IQSEC1: variants seen among roughly 807,000 people sequenced by gnomAD.
The protein encoded by IQSEC1 is IQ motif and SEC7 domain-containing protein 1.
IQSEC1 carries 31 observed loss-of-function variants against 91.0 expected under a neutral mutation model. The ratio of observed to expected loss-of-function variants is 0.34; its 90% CI spans 0.26 to 0.46. The LOEUF (loss-of-function observed/expected upper bound fraction) is 0.46, where lower values mean the gene tolerates loss of function less well. IQSEC1 is among the 20% of genes least tolerant of loss of function. The pLI, the probability that IQSEC1 is intolerant of heterozygous loss-of-function variation, is 1.00. For synonymous variants in IQSEC1, 699 were observed against 662.6 expected (o/e 1.05, Z -0.84); for missense variants, 1,388 against 1,575.6 (o/e 0.88, Z 2.02).
rs932230143 is a variant in IQSEC1 at position 13,015,243 on chromosome 3, G to A, written c.23+57749C>T. Among the ~76,000 whole-genome samples, 3 of 152,168 alleles carry A rather than the reference G, an allele frequency of 2.0e-5. No individual in the cohort carries two copies. The East Asian group carries it at 5.8e-4, about 29-fold the overall frequency. On this transcript the variant is annotated intron_variant, in intron 1 of 13. Transcript: ENST00000613206. The stretch of plus-strand genomic sequence containing the variant: ...CTCAGGGTGGTTGTGAGGGCCGTAG[G>A]CAGCGACCCAACACTCCCTGCCATC...
intron 6 of IQSEC1, 55 bp downstream of exon 6, chr3:12,920,375 C>A (rs890342706): frequency 1.3e-6 from 2 of 1,584,468 alleles, no homozygotes; most frequent in Admixed American, 1.7e-5. Context: ...GAGGGCCTGG[C>A]TGGGGCAGGT....
At chr3:12,952,511 T>G (rs946247795) in intron 1 of IQSEC1, among the ~76,000 whole-genome samples, 2 of 152,184 alleles carry the variant, frequency 1.3e-5, no homozygotes, top group African/African-American at 4.8e-5. Context: ...TAGCCTCACA[T>G]GCCACCCCAC....
intron 1 of IQSEC1, among the ~76,000 whole-genome samples, chr3:13,034,201 C>T (rs1703950335): frequency 6.6e-6 from 1 of 152,196 alleles, no homozygotes; most frequent in South Asian, 2.1e-4. Flanking sequence ...GCCCAGGCGT[C>T]TCCCCCCAGA....
chr3:13,238,036 CT>C (rs1694961349), intron 1 of IQSEC1, among the ~76,000 whole-genome samples: 1 of 152,226 alleles, frequency 6.6e-6, no homozygotes, highest in South Asian at 2.1e-4. Context: ...GCACTGACCG[CT>C]GAGCATCCAC....
At chr3:12,916,251 T>G (rs971401640) in intron 6 of IQSEC1, among the ~76,000 whole-genome samples, 4 of 152,192 alleles carry the variant, frequency 2.6e-5, no homozygotes, top group Non-Finnish European at 5.9e-5. Flanking sequence ...AGCACAGGCT[T>G]GTTGTGAGGA....
At chr3:12,915,481 A>T in intron 7 of IQSEC1, 113 bp downstream of exon 7, 1 of 1,191,498 alleles carries the variant, frequency 8.4e-7, no homozygotes, top group Non-Finnish European at 1.2e-6. Flanking sequence ...AGAATTCACC[A>T]GCCCTGCTGG....
At chr3:12,947,373 G>A (rs1386160531) in intron 1 of IQSEC1, among the ~76,000 whole-genome samples, 3 of 152,124 alleles carry the variant, frequency 2.0e-5, no homozygotes, top group Non-Finnish European at 4.4e-5. Flanking sequence ...CTCTATCCCA[G>A]GGCCATATGA....
At chr3:13,052,086 C>T (rs1704711333) in intron 1 of IQSEC1, among the ~76,000 whole-genome samples, 1 of 152,230 alleles carries the variant, frequency 6.6e-6, no homozygotes. Context: ...TCACCAGTTA[C>T]ACATGCCTGT....
At chr3:13,191,099 G>T (rs1018019173) in intron 1 of IQSEC1, among the ~76,000 whole-genome samples, 5 of 152,214 alleles carry the variant, frequency 3.3e-5, no homozygotes, top group African/African-American at 1.2e-4. Flanking sequence ...ACAGAAGAAT[G>T]CCTGTCACCC....
chr3:12,903,552 G>A (rs1490350659), intron 12 of IQSEC1, among the ~76,000 whole-genome samples: 3 of 152,208 alleles, frequency 2.0e-5, no homozygotes, highest in African/African-American at 7.2e-5. Context: ...TCTTCGTCAC[G>A]CCCCAGCGCA....
chr3:13,021,683 G>A (rs986964351), intron 1 of IQSEC1, among the ~76,000 whole-genome samples: 2 of 152,220 alleles, frequency 1.3e-5, no homozygotes, highest in Non-Finnish European at 2.9e-5. Flanking sequence ...GGACGCGTGT[G>A]AGCCCCATTT....
At chr3:13,111,874 G>A (rs528147233) in intron 2 of IQSEC1, among the ~76,000 whole-genome samples, 8 of 152,240 alleles carry the variant, frequency 5.3e-5, no homozygotes, top group South Asian at 4.2e-4. Flanking sequence ...ATATATTCCC[G>A]TAGTTTAAGC....
In IQSEC1 at chr3:13,107,477, A is replaced by G. The variant is rs115457011; in HGVS notation, c.302+56627T>C. On this transcript the variant is annotated intron_variant, in intron 2 of 15. Coordinates refer to the IQSEC1 transcript ENST00000648114. ...TTCTGGCAAGTGTCATCTCCATATT[A>G]CACATGGAGAAACAGGCTCAGAGCG... Among the ~76,000 whole-genome samples, 341 of 152,308 alleles carry G rather than the reference A, an allele frequency of 2.2e-3. 1 individual carries two copies. The highest frequency in any genetic ancestry group is 6.4e-3 in the African/African-American group (267 of 41,554).
At chr3:12,993,073 C>T (rs1051427066) in intron 1 of IQSEC1, among the ~76,000 whole-genome samples, 1 of 152,134 alleles carries the variant, frequency 6.6e-6, no homozygotes, top group African/African-American at 2.4e-5. Context: ...CAACAACAGC[C>T]CCCATTACAC....
At chr3:13,234,941 G>A (rs867352572) in intron 1 of IQSEC1, among the ~76,000 whole-genome samples, 10 of 152,218 alleles carry the variant, frequency 6.6e-5, no homozygotes, top group African/African-American at 1.2e-4. Flanking sequence ...AGTCAGCCAC[G>A]AGGTGTGGGT....
chr3:13,082,090 C>G (rs1705655169), intron 2 of IQSEC1, among the ~76,000 whole-genome samples: 1 of 152,138 alleles, frequency 6.6e-6, no homozygotes, highest in South Asian at 2.1e-4. Flanking sequence ...CCGAGTCGCG[C>G]AGGGCAGCAG....
rs1456181691 is a variant in IQSEC1 at position 12,920,446 on chromosome 3, G to A, written c.2004C>T (p.Phe668=). 1 of 1,614,140 alleles carries A rather than the reference G, an allele frequency of 6.2e-7. No individual in the cohort carries two copies. Among genetic ancestry groups the A allele is most frequent in the Admixed American group, 1.7e-5 (1 of 60,034 alleles). ...ACAGCTCACCTCGGAGGTTCTTGAT[G>A]AAGTCCTCTAGCTTCATTTTCCGCT... is the stretch of plus-strand genomic sequence containing the variant. ...KPERKMKLED[F]IKNLRGVDDG... Residue 668 remains phenylalanine (F), a synonymous_variant, in exon 6 of 14, where the codon TTC becomes TTT. Coordinates refer to ENST00000613206, the MANE Select transcript of IQSEC1 (RefSeq NM_001134382.3).
chr3:13,072,995 T>G lies in IQSEC1; in HGVS notation c.20A>C (p.Tyr7Ser), dbSNP rs1038192622. 2 of 1,551,462 alleles carry G rather than the reference T, an allele frequency of 1.3e-6. No homozygotes were observed. The highest frequency in any genetic ancestry group is 3.9e-5 in the Admixed American group (2 of 50,988). MACRRR[Y>S]FVEGEAPSSE... Reference sequence around the variant, plus strand: ...GAAACCTGCCACATATACTCACAAATAGCGTCTTCTGCAAGCCATCCTGTG... The same window carrying G: ...GAAACCTGCCACATATACTCACAAAGAGCGTCTTCTGCAAGCCATCCTGTG... Residue 7 changes from tyrosine (Y) to serine (S), a missense_variant, in exon 1 of 14, where the codon TAT (tyrosine) becomes TCT (serine). Tyr to Ser is a moderately radical substitution (Grantham distance 144). Around this residue, in one of 2 missense-constraint regions of IQSEC1, gnomAD observed 1,059 missense variants for 1,317.8 expected, o/e 0.80. Transcript: ENST00000613206.
At chr3:12,975,932 A>G (rs1007667261) in intron 1 of IQSEC1, among the ~76,000 whole-genome samples, 2 of 152,166 alleles carry the variant, frequency 1.3e-5, no homozygotes, top group African/African-American at 4.8e-5. Flanking sequence ...AACCAAAGCA[A>G]CCTTGGCATC....
Sources: allele counts gnomAD v4.1 joint callset (sites outside exome capture counted in the v4.1 genomes callset), GRCh38; gene constraint gnomAD v4.1.1; regional missense constraint gnomAD v4.1.1; transcripts MANE v1.5; gene names NCBI Gene and HGNC (gene_info 2026-07-23, HGNC 2026-07-21).